Variants in ELP3 observed in about 807,000 individuals in gnomAD.
ELP3 encodes elongator acetyltransferase complex subunit 3, also known as elongator complex protein 3.
A neutral mutation model predicts 74.9 loss-of-function variants in ELP3; 56 were observed. The ratio of observed to expected loss-of-function variants is 0.75; its 90% CI spans 0.60 to 0.93. ELP3 has a LOEUF of 0.93. Among genes scored for constraint, ELP3 ranks in the 40% least tolerant of loss-of-function variants. The pLI, the probability that ELP3 is intolerant of heterozygous loss-of-function variation, is 0.00. For missense variants in ELP3, 573 were observed against 686.5 expected, an observed-to-expected ratio of 0.83 and a Z score of 1.85; for synonymous variants, 222 against 239.8, an observed-to-expected ratio of 0.93 and a Z score of 0.68.
chr8:28,162,524 T>A lies in ELP3; in HGVS notation c.1567+446T>A, dbSNP rs143108863. 9.1e-3 allele frequency among the ~76,000 whole-genome samples: 1,385 copies of A among 152,332 alleles called. 5 individuals carry two copies. Among genetic ancestry groups the A allele is most frequent in the Middle Eastern group, 0.017 (5 of 294 alleles). ...CCAAATTCTTGCTCTTTCAATTTTG[T>A]TCTCAGTAACTTCAATCCTGGGGAA... On this transcript the variant is annotated intron_variant, in intron 14 of 14. Transcript: ENST00000256398.
At chr8:28,183,273 T>C in intron 14 of ELP3, 1 of 456,032 alleles carries the variant, frequency 2.2e-6, no homozygotes, top group Non-Finnish European at 4.4e-6. Flanking sequence ...AGGTATTCTT[T>C]TTTCACCTAA....
intron 10 of ELP3, among the ~76,000 whole-genome samples, chr8:28,150,571 G>A (rs1418578313): frequency 6.6e-6 from 1 of 152,038 alleles, no homozygotes; most frequent in Non-Finnish European, 1.5e-5. Context: ...TTTCTTAGGG[G>A]AAGTTGGATA....
At chr8:28,103,472 T>G (rs1371512873) in intron 3 of ELP3, among the ~76,000 whole-genome samples, 1 of 152,242 alleles carries the variant, frequency 6.6e-6, no homozygotes, top group East Asian at 1.9e-4. Flanking sequence ...GAAGGACATC[T>G]TGGTTGCTTC....
intron 3 of ELP3, 98 bp downstream of exon 3, chr8:28,100,064 G>T: frequency 1.3e-6 from 2 of 1,518,220 alleles, no homozygotes; most frequent in Non-Finnish European, 1.8e-6. Context: ...TAGAGGTTGG[G>T]GATTCTGAAC....
intron 7 of ELP3, 90 bp from the exon 8 acceptor site, chr8:28,129,412 T>C (rs1246782432): frequency 7.4e-6 from 10 of 1,354,354 alleles, no homozygotes; most frequent in Non-Finnish European, 1.0e-5. Flanking sequence ...CACTATCTCA[T>C]ACTAGGAGGA....
chr8:28,190,470 C>T lies in ELP3; in HGVS notation c.*745C>T, dbSNP rs1815417964. On this transcript the variant is annotated 3_prime_UTR_variant, in exon 15 of 15. Coordinates refer to ENST00000256398, the MANE Select transcript of ELP3 (RefSeq NM_018091.6). ...GTGTGGGCAGCCCCAAGTGTGGTCC[C>T]CAGAGAGCGTTTGGCTTTCCTGTCT... The T allele has an allele frequency of 6.6e-6, 1 of 152,268 alleles. No individual in the cohort carries two copies. 9.4% of individuals were successfully genotyped at this position (152,268 alleles called of 1,614,324 possible).
chr8:28,106,778 A>G lies in ELP3; in HGVS notation c.324A>G (p.Ile108Met), dbSNP rs756514873. 8.1e-6 allele frequency: 13 copies of G among 1,611,408 alleles called. 1 individual carries two copies. The highest frequency in any genetic ancestry group is 1.7e-5 in the Admixed American group (1 of 59,986). ...RCPHISFTGNICVYCPGGPDS... is the reference protein window; with the variant it reads ...RCPHISFTGNMCVYCPGGPDS... ...CACACATCAGTTTTACAGGAAATATATGTGTGTAAGTATGGTGATTTTATT... is the reference window on the plus strand; with the variant it reads ...CACACATCAGTTTTACAGGAAATATGTGTGTGTAAGTATGGTGATTTTATT... The change falls in exon 4 of 15, where the codon ATA (isoleucine) becomes ATG (methionine). Residue 108 changes from isoleucine to methionine, a missense_variant. Physicochemically the swap from Ile to Met is conservative, Grantham distance 10 (BLOSUM62 1). Coordinates refer to ENST00000256398, the MANE Select transcript of ELP3 (RefSeq NM_018091.6).
intron 14 of ELP3, among the ~76,000 whole-genome samples, chr8:28,185,360 C>T (rs558037278): frequency 3.3e-5 from 5 of 152,220 alleles, no homozygotes; most frequent in African/African-American, 7.2e-5. Flanking sequence ...CAAATACATC[C>T]TCCAGGAACA....
At chr8:28,097,637 C>A (rs905324353) in intron 2 of ELP3, among the ~76,000 whole-genome samples, 1 of 152,136 alleles carries the variant, frequency 6.6e-6, no homozygotes, top group Admixed American at 6.5e-5. Context: ...ACCTCGTGAT[C>A]TGCCCACCTC....
intron 8 of ELP3, among the ~76,000 whole-genome samples, chr8:28,131,540 A>G (rs558891900): frequency 1.3e-5 from 2 of 152,196 alleles, no homozygotes; most frequent in Non-Finnish European, 2.9e-5. Flanking sequence ...AGAGAGTGAG[A>G]TGGAGTCTGT....
intron 3 of ELP3, among the ~76,000 whole-genome samples, chr8:28,101,665 C>T (rs377218937): frequency 6.6e-6 from 1 of 151,288 alleles, no homozygotes; most frequent in East Asian, 1.9e-4. Flanking sequence ...TCTTGGCTCA[C>T]TGCAACTTCT....
chr8:28,137,823 CCTGGTTGAATTGGTGG>C lies in ELP3; in HGVS notation c.1035_1050del (p.Val346GlyfsTer3). The C allele has an allele frequency of 2.5e-6, 4 of 1,613,996 alleles. No individual in the cohort carries two copies. The highest frequency in any genetic ancestry group is 3.4e-6 in the Non-Finnish European group (4 of 1,180,000). On this transcript the variant is annotated frameshift_variant, in exon 10 of 15. Transcript: ENST00000256398. LOFTEE classifies it high-confidence loss of function. ...GATATAAGAGTTACTCTCCTAGTGA[CCTGGTTGAATTGGTGG>C]CTCGGATCCTAGCCCTCGTGCCTCC... is the stretch of plus-strand genomic sequence containing the variant.
At chr8:28,158,007 T>C (rs545308129) in intron 11 of ELP3, among the ~76,000 whole-genome samples, 4 of 148,462 alleles carry the variant, frequency 2.7e-5, no homozygotes, top group Admixed American at 2.0e-4. Context: ...CTTTCCTTCC[T>C]TCCTTCCTTC....
chr8:28,153,583 A>T (rs1813718068), intron 10 of ELP3, among the ~76,000 whole-genome samples: 1 of 152,116 alleles, frequency 6.6e-6, no homozygotes, highest in Non-Finnish European at 1.5e-5. Context: ...AGGACAACAG[A>T]GCATCATTTA....
chr8:28,090,327 A>T, upstream of ELP3: 1 of 392,028 alleles, frequency 2.6e-6, no homozygotes, highest in Non-Finnish European at 5.0e-6. Flanking sequence ...AATCCTCCAT[A>T]GTCTGGTGAG....
chr8:28,125,848 C>A (rs781327149), intron 7 of ELP3, among the ~76,000 whole-genome samples: 25 of 123,286 alleles, frequency 2.0e-4, no homozygotes, highest in Non-Finnish European at 3.4e-4. Flanking sequence ...TATATTTTTA[C>A]TTTCTGAAGA....
chr8:28,129,755 T>C, intron 8 of ELP3, 92 bp downstream of exon 8: 1 of 1,454,792 alleles, frequency 6.9e-7, no homozygotes, highest in Non-Finnish European at 9.5e-7. Context: ...TTCTGACCAC[T>C]CTTAGGGAAA....
chr8:28,090,362 G>T, upstream of ELP3: 1 of 382,616 alleles, frequency 2.6e-6, no homozygotes, highest in Admixed American at 3.1e-5. Context: ...CTGGAGCCCA[G>T]GATGTTGCTT....
intron 14 of ELP3, among the ~76,000 whole-genome samples, chr8:28,176,437 G>GTTATTTTC (rs1814756503): frequency 6.6e-6 from 1 of 152,116 alleles, no homozygotes; most frequent in Non-Finnish European, 1.5e-5. Flanking sequence ...GTTCCAGCCA[G>GTTATTTTC]CTGCTCCAGG....
Sources: gnomAD v4.1 joint callset for allele counts (sites outside exome capture counted in the v4.1 genomes callset) on GRCh38, gnomAD v4.1.1 for gene constraint, MANE v1.5 for transcripts, NCBI Gene and HGNC (gene_info 2026-07-23, HGNC 2026-07-21) for gene names.